VPS35: variants seen among roughly 807,000 people sequenced by gnomAD.
VPS35 encodes the protein VPS35 retromer complex component.
Under a neutral mutation model 98.1 loss-of-function variants are expected in VPS35, and 21 were observed. The observed-to-expected ratio is 0.21, with a 90% CI of 0.15 to 0.31. The LOEUF (loss-of-function observed/expected upper bound fraction) is 0.31, where lower values mean the gene tolerates loss of function less well. VPS35 is among the 10% of genes least tolerant of loss of function. The probability of loss-of-function intolerance (pLI) is 1.00; values close to 1 mark genes in which losing one functional copy is unlikely to be tolerated. For missense variants in VPS35, 554 were observed against 950.8 expected (o/e 0.58, Z 5.49); for synonymous variants, 268 against 318.2 (o/e 0.84, Z 1.68).
rs1965928187 is a variant in VPS35 at position 46,662,473 on chromosome 16, G to C, written c.1837C>G (p.Leu613Val). 1 of 1,613,832 alleles carries C rather than the reference G, an allele frequency of 6.2e-7. No individual in the cohort carries two copies. Among genetic ancestry groups the C allele is most frequent in the African/African-American group, 1.3e-5 (1 of 74,920 alleles). ...AYEFMSQAFSLYEDEISDSKA... is the reference protein window; with the variant it reads ...AYEFMSQAFSVYEDEISDSKA... ...GAATCGCTGATTTCATCTTCATACA[G>C]AGAAAATGCCTAGTGAACATAAAGC... Residue 613 changes from leucine (L) to valine (V), a missense_variant, in exon 15 of 17, where the codon CTG (leucine) becomes GTG (valine). Transcript: ENST00000299138.
At chr16:46,679,240 T>C in intron 5 of VPS35, 84 bp from the exon 6 acceptor site, 2 of 1,207,034 alleles carry the variant, frequency 1.7e-6, no homozygotes, top group Non-Finnish European at 2.4e-6. Context: ...TTCCTACTTA[T>C]CTCTATAGTA....
chr16:46,662,222 T>G (rs941466302), intron 15 of VPS35, 21 bp downstream of exon 15: 13 of 1,613,978 alleles, frequency 8.1e-6, no homozygotes, highest in South Asian at 3.3e-5. Context: ...TCTGCTATCA[T>G]GCAGTCAGGA....
rs1319394604 is a variant in VPS35, at chr16:46,658,211, T to C, written c.*2261A>G. On this transcript the variant is annotated 3_prime_UTR_variant, in exon 17 of 17. Coordinates refer to ENST00000299138, the MANE Select transcript of VPS35 (RefSeq NM_018206.6). ...ATAAACTATTGGACTTGATGTTCCA[T>C]GAGAATTCATACAACCCTCTGCAGA... The C allele has an allele frequency of 6.5e-6, 1 of 153,434 alleles. No homozygotes were observed. The highest frequency in any genetic ancestry group is 2.4e-5 in the African/African-American group (1 of 41,448). The allele number at this position is 153,434 out of a possible 1,614,324, so 9.5% of individuals were successfully genotyped here.
rs1965853668 is a variant in VPS35, at chr16:46,657,600, C to G, written c.*2872G>C. ...AAACGCCTCTCTCTTTGAGCAGTGT[C>G]TATCAGCAGGGGCTGTTTTTGCAGT... On this transcript the variant is annotated 3_prime_UTR_variant, in exon 17 of 17. Coordinates refer to ENST00000299138, the MANE Select transcript of VPS35 (RefSeq NM_018206.6). 6.6e-6 allele frequency: 1 copy of G among 152,234 alleles called. No homozygotes were observed. Among genetic ancestry groups the G allele is most frequent in the Admixed American group, 6.5e-5 (1 of 15,278 alleles). 9.4% of individuals were successfully genotyped at this position (152,234 alleles called of 1,614,324 possible). A position where few individuals can be genotyped will look rare whatever the true frequency, so the allele number is the denominator to read the frequency against.
chr16:46,687,207 G>A (rs1208383702), intron 1 of VPS35, among the ~76,000 whole-genome samples: 2 of 152,116 alleles, frequency 1.3e-5, no homozygotes, highest in African/African-American at 2.4e-5. Flanking sequence ...CAAATGTAAC[G>A]CTCATTTCTT....
intron 1 of VPS35, chr16:46,688,628 G>A (rs957291604): frequency 1.2e-5 from 12 of 1,011,234 alleles, no homozygotes; most frequent in African/African-American, 1.7e-5. Flanking sequence ...CGGGTATGAG[G>A]CCAAGAAAGG....
At chr16:46,687,404 G>A (rs1966333390) in intron 1 of VPS35, among the ~76,000 whole-genome samples, 1 of 152,158 alleles carries the variant, frequency 6.6e-6, no homozygotes, top group Non-Finnish European at 1.5e-5. Flanking sequence ...CTCTGATGGA[G>A]CACACTGAAC....
At chr16:46,664,362 G>A (rs151308226) in intron 13 of VPS35, among the ~76,000 whole-genome samples, 14 of 151,920 alleles carry the variant, frequency 9.2e-5, no homozygotes, top group African/African-American at 2.7e-4. Flanking sequence ...TCACCTTATC[G>A]GCCAGGCTAG....
intron 6 of VPS35, 62 bp from the exon 7 acceptor site, chr16:46,677,460 C>G (rs1966169188): frequency 1.5e-6 from 2 of 1,373,932 alleles, no homozygotes; most frequent in Non-Finnish European, 2.1e-6. Flanking sequence ...AGCTATTCCT[C>G]TAGTAACGCA....
rs1431921480 is a variant in VPS35 at position 46,662,165 on chromosome 16, C to A, written c.2067+78G>T. 9 of 1,610,366 alleles carry A rather than the reference C, an allele frequency of 5.6e-6. No homozygotes were observed. The African/African-American group carries it at 1.2e-4, about 22-fold the overall frequency. On this transcript the variant is annotated intron_variant, in intron 15 of 16. Coordinates refer to ENST00000299138, the MANE Select transcript of VPS35 (RefSeq NM_018206.6). ...ATTTCCAAGCACCCCAAATGTTTCACCTCCAGAACACAAGGCCATGACAAC... is the reference window on the plus strand; with the variant it reads ...ATTTCCAAGCACCCCAAATGTTTCAACTCCAGAACACAAGGCCATGACAAC...
chr16:46,662,147 A>G, intron 15 of VPS35, 96 bp downstream of exon 15: 1 of 1,602,112 alleles, frequency 6.2e-7, no homozygotes, highest in East Asian at 2.2e-5. Flanking sequence ...CAGATTTCCA[A>G]GCACCCCAAA....
At position 46,661,490 on chromosome 16, in the gene VPS35, A is replaced by G. The variant is rs1965914118; in HGVS notation, c.2211+228T>C. ...GGTGATCTGCCTGCCTCAGCCTCCC[A>G]AAGTGCTGGGATTACAGGCATGAGC... On this transcript the variant is annotated intron_variant, in intron 16 of 16. Coordinates refer to ENST00000299138, the MANE Select transcript of VPS35 (RefSeq NM_018206.6). This position sits in a 1 kb window ranked among gnomAD's most constrained non-coding sequence, Gnocchi z 4.3. 2.4e-6 allele frequency: 1 copy of G among 420,358 alleles called. No individual in the cohort carries two copies. The highest frequency in any genetic ancestry group is 4.3e-6 in the Non-Finnish European group (1 of 231,054). 26.0% of individuals were successfully genotyped at this position (420,358 alleles called of 1,614,324 possible).
chr16:46,681,002 A>G, intron 4 of VPS35, 149 bp from the exon 5 acceptor site: 1 of 812,302 alleles, frequency 1.2e-6, no homozygotes, highest in East Asian at 2.7e-5. Flanking sequence ...CATTTAAAAT[A>G]TAACCACTGA....
rs1170727400 is a variant in VPS35 at position 46,676,420 on chromosome 16, A to T, written c.914+163T>A. On this transcript the variant is annotated intron_variant, in intron 8 of 16. Transcript: ENST00000299138. ...GCCTCTTTCATGTCTAACCTAGACA[A>T]GTACCTAGTACTCATACTCACAAAG... 4 of 621,412 alleles carry T rather than the reference A, an allele frequency of 6.4e-6. No homozygotes were observed. The East Asian group carries it at 1.1e-4, about 18-fold the overall frequency. 38.5% of individuals were successfully genotyped at this position (621,412 alleles called of 1,614,324 possible). A position where few individuals can be genotyped will look rare whatever the true frequency, so the allele number is the denominator to read the frequency against.
intron 15 of VPS35, 78 bp downstream of exon 15, chr16:46,662,165 C>T: frequency 1.2e-6 from 2 of 1,610,484 alleles, no homozygotes; most frequent in South Asian, 1.1e-5. Context: ...AAATGTTTCA[C>T]CTCCAGAACA....
chr16:46,676,449 AATT>A (rs1966153913), intron 8 of VPS35, 131 bp downstream of exon 8: 9 of 703,356 alleles, frequency 1.3e-5, no homozygotes, highest in Non-Finnish European at 2.0e-5. Context: ...CACAAAGCTA[AATT>A]ATTTATAGTA....
Position 46,660,212 on chromosome 16 carries a change from T to TTTA in VPS35, c.*259_*260insTAA, listed in dbSNP as rs1555522781. The TTTA allele has an allele frequency of 1.3e-5, 3 of 234,096 alleles. No individual in the cohort carries two copies. Among genetic ancestry groups the TTTA allele is most frequent in the Admixed American group, 5.5e-5 (1 of 18,256 alleles). The allele number at this position is 234,096 out of a possible 1,614,324, so 14.5% of individuals were successfully genotyped here. On this transcript the variant is annotated 3_prime_UTR_variant, in exon 17 of 17. Coordinates refer to ENST00000299138, the MANE Select transcript of VPS35 (RefSeq NM_018206.6). ...TTGTGTTTTTTTTTTTTTTTTTTTT[T>TTTA]ACAGATCACAGGAATTTTAAATTGC... is the stretch of plus-strand genomic sequence containing the variant.
intron 16 of VPS35, 159 bp from the exon 17 acceptor site, chr16:46,660,810 TACTG>T (rs755241517): frequency 3.0e-5 from 13 of 438,044 alleles, no homozygotes; most frequent in African/African-American, 1.1e-4. Flanking sequence ...TTTGAACAAT[TACTG>T]ACTATCAAAA....
chr16:46,669,118 T>C, intron 12 of VPS35, 66 bp from the exon 13 acceptor site: 1 of 1,583,618 alleles, frequency 6.3e-7, no homozygotes, highest in South Asian at 1.1e-5. Context: ...GAAATAAATG[T>C]GGGCTCTAAT....
Sources: gnomAD v4.1 joint callset for allele counts (sites outside exome capture counted in the v4.1 genomes callset) on GRCh38, gnomAD v4.1.1 for gene constraint, Gnocchi (gnomAD v3.1) non-coding constraint, MANE v1.5 for transcripts, NCBI Gene and HGNC (gene_info 2026-07-23, HGNC 2026-07-21) for gene names.